The following SMAD3 variants were observed in gnomAD, a reference collection of about 807,000 sequenced individuals.
SMAD3 encodes MAD homolog 3.
A neutral mutation model predicts 51.8 loss-of-function variants in SMAD3; 12 were observed. The observed-to-expected ratio is 0.23, with a 90% CI of 0.15 to 0.38. SMAD3 has a LOEUF of 0.38. Ranked by LOEUF, SMAD3 falls within the 10% of genes least tolerant of loss-of-function variation. The pLI, the probability that SMAD3 is intolerant of heterozygous loss-of-function variation, is 1.00. For synonymous variants in SMAD3, 238 were observed against 227.7 expected, an observed-to-expected ratio of 1.05 and a Z score of -0.41; for missense variants, 294 against 565.6, an observed-to-expected ratio of 0.52 and a Z score of 4.87.
In SMAD3 at chr15:67,119,896, A is replaced by G. The variant is rs551437890; in HGVS notation, c.207-44999A>G. ...ACTGCAGCCTTGACCTCCCAGGCTC[A>G]AGCAATCCTCCTGCCTCAGCCCCTC... On this transcript the variant is annotated intron_variant, in intron 1 of 8. Coordinates refer to ENST00000327367, the MANE Select transcript of SMAD3 (RefSeq NM_005902.4). Among the ~76,000 whole-genome samples the G allele has an allele frequency of 2.0e-5, 3 of 152,256 alleles. 1 individual carries two copies. Among genetic ancestry groups the G allele is most frequent in the Admixed American group, 2.0e-4 (3 of 15,302 alleles).
At chr15:67,130,192 T>G (rs1414634957) in intron 1 of SMAD3, among the ~76,000 whole-genome samples, 1 of 152,212 alleles carries the variant, frequency 6.6e-6, no homozygotes, top group Non-Finnish European at 1.5e-5. Flanking sequence ...ATTTTACAGA[T>G]GAGGCAACAG....
chr15:67,188,556 C>T (rs748050803), intron 8 of SMAD3, among the ~76,000 whole-genome samples: 4 of 152,230 alleles, frequency 2.6e-5, no homozygotes, highest in African/African-American at 7.2e-5. Flanking sequence ...TTTCCACTCA[C>T]GGACCAAAGT....
chr15:67,175,091 G>A (rs577950989), intron 5 of SMAD3, among the ~76,000 whole-genome samples: 2 of 152,348 alleles, frequency 1.3e-5, no homozygotes, highest in East Asian at 3.9e-4. Context: ...AGGCATTTAA[G>A]GCGGAAGGAT....
At chr15:67,165,215 C>T (rs777540045) in intron 2 of SMAD3, 38 bp from the exon 3 acceptor site, 46 of 1,613,932 alleles carry the variant, frequency 2.9e-5, no homozygotes, top group Middle Eastern at 1.6e-4. Flanking sequence ...GGTCTGGCAT[C>T]GACACTGAGC....
chr15:67,077,031 T>C (rs1212085369), intron 1 of SMAD3, among the ~76,000 whole-genome samples: 2 of 152,168 alleles, frequency 1.3e-5, no homozygotes, highest in Non-Finnish European at 2.9e-5. Flanking sequence ...CTCTCTGAGC[T>C]TCCACATTCC....
chr15:67,188,131 G>A (rs1341434077), intron 8 of SMAD3, among the ~76,000 whole-genome samples: 3 of 146,788 alleles, frequency 2.0e-5, no homozygotes, highest in Non-Finnish European at 4.5e-5. Flanking sequence ...CCTACATACT[G>A]GTTTCTTTTT....
intron 1 of SMAD3, among the ~76,000 whole-genome samples, chr15:67,125,331 CGCTGTTGCCTT>C (rs1480132939): frequency 1.3e-5 from 2 of 152,216 alleles, no homozygotes; most frequent in Non-Finnish European, 2.9e-5. Flanking sequence ...CTCTTTGAAG[CGCTGTTGCCTT>C]TCTGTGGCTA....
At chr15:67,189,628 CTG>C (rs1963309088) in intron 8 of SMAD3, among the ~76,000 whole-genome samples, 1 of 152,222 alleles carries the variant, frequency 6.6e-6, no homozygotes, top group Non-Finnish European at 1.5e-5. Context: ...GCTCTTCTCT[CTG>C]TGAGGTGGCT....
intron 1 of SMAD3, among the ~76,000 whole-genome samples, chr15:67,079,494 GGC>G (rs960252602): frequency 8.5e-5 from 13 of 152,246 alleles, no homozygotes; most frequent in Admixed American, 2.6e-4. Context: ...TGTTACTCTT[GGC>G]CATGTCCAAG....
chr15:67,123,000 GCATAACAAGAA>G (rs990859253), intron 1 of SMAD3, among the ~76,000 whole-genome samples: 3 of 151,790 alleles, frequency 2.0e-5, no homozygotes, highest in Non-Finnish European at 4.4e-5. Context: ...AGACTGGCCA[GCATAACAAGAA>G]CATAACAAGA....
chr15:67,160,588 C>T (rs963661708), intron 1 of SMAD3, among the ~76,000 whole-genome samples: 2 of 151,882 alleles, frequency 1.3e-5, no homozygotes, highest in African/African-American at 2.4e-5. Flanking sequence ...CTGGTTAACA[C>T]ATGAAACCCC....
intron 6 of SMAD3, among the ~76,000 whole-genome samples, chr15:67,182,992 A>ATAT (rs1567000499): frequency 1.2e-4 from 6 of 50,628 alleles, no homozygotes; most frequent in African/African-American, 5.4e-4. Context: ...TTATTAAAAA[A>ATAT]AAAAAAAAAT....
At position 67,192,474 on chromosome 15, in the gene SMAD3, T is replaced by TA. The variant is rs1466095589; in HGVS notation, c.*1939dup. The TA allele has an allele frequency of 4.3e-6, 1 of 233,314 alleles. No individual in the cohort carries two copies. Among genetic ancestry groups the TA allele is most frequent in the African/African-American group, 2.2e-5 (1 of 45,336 alleles). The allele number at this position is 233,314 out of a possible 1,614,324, so 14.5% of individuals were successfully genotyped here. On this transcript the variant is annotated 3_prime_UTR_variant, in exon 9 of 9. Coordinates refer to ENST00000327367, the MANE Select transcript of SMAD3 (RefSeq NM_005902.4). Reference sequence around the variant, plus strand: ...GTGAAATGATCTATGGCCTGTTTCTTACACAGGAAGCCCCCTGAACCTCCT... The same window carrying TA: ...GTGAAATGATCTATGGCCTGTTTCTTAACACAGGAAGCCCCCTGAACCTCCT...
At chr15:67,170,970 TGACATTTATA>T (rs1175371878) in intron 5 of SMAD3, among the ~76,000 whole-genome samples, 2 of 152,244 alleles carry the variant, frequency 1.3e-5, no homozygotes, top group Non-Finnish European at 2.9e-5. Context: ...TCCAGCCCCC[TGACATTTATA>T]GACCTGTTTC....
intron 1 of SMAD3, among the ~76,000 whole-genome samples, chr15:67,128,832 C>T (rs1252394778): frequency 5.9e-5 from 9 of 152,196 alleles, no homozygotes; most frequent in Non-Finnish European, 1.3e-4. Flanking sequence ...ACCTCTGCCT[C>T]CAAAAGTGCC....
chr15:67,150,146 G>A (rs1962088325), intron 1 of SMAD3, among the ~76,000 whole-genome samples: 1 of 152,244 alleles, frequency 6.6e-6, no homozygotes, highest in Non-Finnish European at 1.5e-5. Flanking sequence ...ACTGGAGTGA[G>A]CGCTTGTCCT....
chr15:67,124,052 A>G (rs572745683), intron 1 of SMAD3, among the ~76,000 whole-genome samples: 18 of 152,268 alleles, frequency 1.2e-4, no homozygotes, highest in African/African-American at 4.3e-4. Context: ...CCGTGGTGCA[A>G]TGATAGCTTA....
At chr15:67,177,127 C>T (rs1028068704) in intron 5 of SMAD3, among the ~76,000 whole-genome samples, 1 of 152,138 alleles carries the variant, frequency 6.6e-6, no homozygotes, top group Non-Finnish European at 1.5e-5. Flanking sequence ...GGGGTTGCCA[C>T]CTCCCCCTGA....
chr15:67,101,619 G>T (rs1960759747), intron 1 of SMAD3, among the ~76,000 whole-genome samples: 1 of 152,176 alleles, frequency 6.6e-6, no homozygotes, highest in Admixed American at 6.5e-5. Context: ...CCTAGGAGAA[G>T]CTGAATAAGG....
Sources: allele counts gnomAD v4.1 joint callset (sites outside exome capture counted in the v4.1 genomes callset), GRCh38; gene constraint gnomAD v4.1.1; transcripts MANE v1.5; gene names NCBI Gene and HGNC (gene_info 2026-07-23, HGNC 2026-07-21).